The following C12orf42 variants were observed in gnomAD, a reference collection of about 807,000 sequenced individuals.
The protein encoded by C12orf42 is uncharacterized protein C12orf42.
Under a neutral mutation model 21.6 loss-of-function variants are expected in C12orf42, and 25 were observed. The observed-to-expected ratio is 1.16, with a 90% confidence interval of 0.84 to 1.62. The LOEUF is 1.62. C12orf42 is among the 40% of genes most tolerant of loss of function. The pLI is 0.00. For synonymous variants in C12orf42, 174 were observed against 175.0 expected (o/e 0.99, Z 0.05); for missense variants, 483 against 459.3 (o/e 1.05, Z -0.47).
rs74387105 is a variant in C12orf42 at position 103,305,595 on chromosome 12, T to C, written c.631+379A>G. Among the ~76,000 whole-genome samples the C allele has an allele frequency of 8.7e-4, 133 of 152,254 alleles. No homozygotes were observed. The East Asian group carries it at 0.011, about 13-fold the overall frequency. The stretch of plus-strand genomic sequence containing the variant: ...TATGAATTCACAACTTCCTTGTCTG[T>C]AAAATGGGGATAATGGTATGATCTG... On this transcript the variant is annotated intron_variant, in intron 5 of 5. Transcript: ENST00000548883.
At chr12:103,313,152 G>A (rs1030667395) in intron 4 of C12orf42, among the ~76,000 whole-genome samples, 3 of 152,160 alleles carry the variant, frequency 2.0e-5, no homozygotes, top group African/African-American at 7.2e-5. Flanking sequence ...ATTCCCCAAA[G>A]CTCATTTTGC....
At chr12:103,130,260 C>A in the C12orf42 span, among the ~76,000 whole-genome samples, 1 of 151,366 alleles carries the variant, frequency 6.6e-6, no homozygotes, top group East Asian at 1.9e-4. Flanking sequence ...AGGAAAATAG[C>A]TTCTCTGAGG....
At chr12:103,433,259 A>G (rs961130748) in intron 2 of C12orf42, among the ~76,000 whole-genome samples, 3 of 152,232 alleles carry the variant, frequency 2.0e-5, no homozygotes, top group African/African-American at 7.2e-5. Context: ...AGTTGATGAA[A>G]AAACGTTTTT....
At chr12:103,168,008 CTG>C in the C12orf42 span, 1 of 448,684 alleles carries the variant, frequency 2.2e-6, no homozygotes, top group Non-Finnish European at 4.4e-6. Context: ...TTAATTGTGT[CTG>C]TTAATATGTA....
In C12orf42 at chr12:103,360,380, C is replaced by T. The variant is rs544447019; in HGVS notation, c.259+8507G>A. On this transcript the variant is annotated intron_variant, in intron 4 of 5. Transcript: ENST00000548883. ...ACTCCTACCTCCAACTAAGTGAGTC[C>T]CTCATTCTGGAGGGTTCCTATTGTC... Among the ~76,000 whole-genome samples the T allele has an allele frequency of 3.0e-3, 450 of 151,772 alleles. 2 individuals carry two copies. The highest frequency in any genetic ancestry group is 0.01 in the Middle Eastern group (3 of 294).
At chr12:103,524,901 C>G in the C12orf42 span, among the ~76,000 whole-genome samples, 1 of 127,712 alleles carries the variant, frequency 7.8e-6, no homozygotes, top group Admixed American at 1.1e-4. Context: ...TGACTCCAAG[C>G]AATGTTGTCA....
rs141768531 is a variant in C12orf42, at chr12:103,296,082, C to T, written n.338-18872G>A. 2.2e-3 allele frequency among the ~76,000 whole-genome samples: 316 copies of T among 145,450 alleles called. 2 individuals carry two copies. The highest frequency in any genetic ancestry group is 7.6e-3 in the African/African-American group (298 of 39,196). ...CCTGTGTCCAAGTGTTCTCATTGTT[C>T]AATTCCCACCTATGAGCGAGAACAG... is the stretch of plus-strand genomic sequence containing the variant. On this transcript the variant is annotated intron_variant and non_coding_transcript_variant, in intron 4 of 6. Coordinates refer to the C12orf42 transcript ENST00000546526.
At chr12:103,230,936 T>A in the C12orf42 span, among the ~76,000 whole-genome samples, 1 of 152,152 alleles carries the variant, frequency 6.6e-6, no homozygotes, top group Non-Finnish European at 1.5e-5. Flanking sequence ...TTCAAGGCTC[T>A]GCTCTAGCTA....
chr12:103,185,603 C>A, the C12orf42 span, among the ~76,000 whole-genome samples: 2 of 152,074 alleles, frequency 1.3e-5, no homozygotes, highest in Non-Finnish European at 2.9e-5. Flanking sequence ...CCACCCAGAT[C>A]TCATCTTGAA....
the C12orf42 span, among the ~76,000 whole-genome samples, chr12:103,214,179 A>G: frequency 6.6e-6 from 1 of 152,206 alleles, no homozygotes; most frequent in Non-Finnish European, 1.5e-5. Flanking sequence ...GAATAATTAC[A>G]CTATAGCTTC....
At chr12:103,498,683 T>C (rs1278393731), upstream of C12orf42, among the ~76,000 whole-genome samples, 1 of 152,172 alleles carries the variant, frequency 6.6e-6, no homozygotes, top group Non-Finnish European at 1.5e-5. Flanking sequence ...TGGAATACTA[T>C]GCAGCCATAA....
chr12:103,139,361 A>G, the C12orf42 span, among the ~76,000 whole-genome samples: 1 of 152,182 alleles, frequency 6.6e-6, no homozygotes, highest in South Asian at 2.1e-4. Context: ...TGATTTCACC[A>G]TTCATATTAT....
intron 2 of C12orf42, chr12:103,441,590 A>C (rs189631516): frequency 3.4e-4 from 52 of 152,338 alleles, no homozygotes; most frequent in Admixed American, 3.3e-3. Context: ...TCAGGTTTGA[A>C]TGACTGAAGC....
intron 10 of C12orf42, among the ~76,000 whole-genome samples, chr12:103,242,392 G>T (rs1282816426): frequency 6.6e-6 from 1 of 152,174 alleles, no homozygotes; most frequent in Non-Finnish European, 1.5e-5. Context: ...TAGCTAAGTT[G>T]TGTTTTCTGC....
At chr12:103,334,495 G>A (rs917209199) in intron 4 of C12orf42, among the ~76,000 whole-genome samples, 1 of 152,000 alleles carries the variant, frequency 6.6e-6, no homozygotes. Context: ...ATACGAAAAG[G>A]CAGTCAAAAT....
chr12:103,431,096 A>G (rs1950230503), intron 2 of C12orf42: 1 of 47,848 alleles, frequency 2.1e-5, no homozygotes, highest in African/African-American at 6.7e-5. Flanking sequence ...CACAAAGTAT[A>G]ATAAAAAAAA....
chr12:103,472,333 C>T lies in C12orf42; in HGVS notation c.78+6016G>A, dbSNP rs972374176. Among the ~76,000 whole-genome samples, 15 of 152,156 alleles carry T rather than the reference C, an allele frequency of 9.9e-5. No individual in the cohort carries two copies. The East Asian group carries it at 1.5e-3, about 16-fold the overall frequency. ...CCTCCCAAAGTGCTGGAATTACAGG[C>T]GTGAGCCACCGCACCCAGCCACAAC... is the stretch of plus-strand genomic sequence containing the variant. On this transcript the variant is annotated intron_variant, in intron 2 of 5. Coordinates refer to ENST00000548883, the MANE Select transcript of C12orf42 (RefSeq NM_198521.5).
At chr12:103,070,535 CA>C in the C12orf42 span, among the ~76,000 whole-genome samples, 46 of 151,770 alleles carry the variant, frequency 3.0e-4, no homozygotes, top group Admixed American at 6.6e-4. Flanking sequence ...CACACACACA[CA>C]CACACACCCG....
At chr12:103,349,962 G>A (rs1384105772) in intron 4 of C12orf42, among the ~76,000 whole-genome samples, 1 of 151,980 alleles carries the variant, frequency 6.6e-6, no homozygotes, top group Admixed American at 6.6e-5. Flanking sequence ...ACTTTTTCAT[G>A]AATTTTTCAA....
Sources: allele counts gnomAD v4.1 joint callset (sites outside exome capture counted in the v4.1 genomes callset), GRCh38; gene constraint gnomAD v4.1.1; transcripts MANE v1.5; gene names NCBI Gene and HGNC (gene_info 2026-07-23, HGNC 2026-07-21).